Variants in CREB5 observed in about 807,000 individuals in gnomAD.
CREB5 encodes the protein cAMP responsive element binding protein 5.
In CREB5, 19 loss-of-function variants were observed where a neutral mutation model predicts 57.1. The ratio of observed to expected loss-of-function variants is 0.33; its 90% CI spans 0.23 to 0.49. The LOEUF (loss-of-function observed/expected upper bound fraction) is 0.49, where lower values mean the gene tolerates loss of function less well. Among genes scored for constraint, CREB5 ranks in the 20% least tolerant of loss-of-function variants. The probability of loss-of-function intolerance (pLI) is 0.99; values close to 1 mark genes in which losing one functional copy is unlikely to be tolerated. For missense variants in CREB5, 579 were observed against 671.6 expected (o/e 0.86, Z 1.52); for synonymous variants, 238 against 238.3 (o/e 1.00, Z 0.01).
At chr7:28,683,819 T>C (rs955002864) in intron 5 of CREB5, among the ~76,000 whole-genome samples, 3 of 152,150 alleles carry the variant, frequency 2.0e-5, no homozygotes, top group Non-Finnish European at 2.9e-5. Flanking sequence ...AGCAGAAGCC[T>C]GGTATCTAGT....
intron 1 of CREB5, among the ~76,000 whole-genome samples, chr7:28,392,394 T>C (rs1787236418): frequency 6.6e-6 from 1 of 152,242 alleles, no homozygotes; most frequent in Non-Finnish European, 1.5e-5. Flanking sequence ...GTTGCCTCTT[T>C]GATTCTCTTC....
chr7:28,350,042 G>C (rs1031562049), intron 1 of CREB5, among the ~76,000 whole-genome samples: 1 of 152,172 alleles, frequency 6.6e-6, no homozygotes, highest in Non-Finnish European at 1.5e-5. Context: ...AAACAGGAAG[G>C]TTAGCACCTT....
At chr7:28,768,622 G>A (rs1806135961) in intron 7 of CREB5, among the ~76,000 whole-genome samples, 1 of 152,208 alleles carries the variant, frequency 6.6e-6, no homozygotes, top group African/African-American at 2.4e-5. Context: ...GGTACTGTGT[G>A]TGTGTGTTTG....
intron 1 of CREB5, among the ~76,000 whole-genome samples, chr7:28,421,769 CTA>C (rs151244858): frequency 1.0e-5 from 1 of 98,374 alleles, no homozygotes; most frequent in Non-Finnish European, 2.5e-5. Flanking sequence ...TACACACACA[CTA>C]TATATATATA....
chr7:28,359,027 A>G lies in CREB5; in HGVS notation c.-25+59586A>G, dbSNP rs530948134. 3.3e-5 allele frequency among the ~76,000 whole-genome samples: 5 copies of G among 152,264 alleles called. No individual in the cohort carries two copies. The East Asian group carries it at 9.6e-4, about 29-fold the overall frequency. ...TTACTTCTTTCAAAATATAGGAGCT[A>G]ATCATTCAGGAGAATTTGTTTCTCT... On this transcript the variant is annotated intron_variant, in intron 1 of 9. Coordinates refer to the CREB5 transcript ENST00000396299.
chr7:28,386,836 T>C (rs1787113519), intron 1 of CREB5, among the ~76,000 whole-genome samples: 1 of 152,216 alleles, frequency 6.6e-6, no homozygotes. Flanking sequence ...AAAATATCTC[T>C]CTGTTCCTGC....
intron 4 of CREB5, among the ~76,000 whole-genome samples, chr7:28,561,021 T>TGTGCGC (rs1795247219): frequency 2.3e-5 from 1 of 43,240 alleles, no homozygotes; most frequent in African/African-American, 1.6e-4. Context: ...TGTGTGCGTG[T>TGTGCGC]GTGCGTGTGT....
At chr7:28,603,556 C>G (rs310339) in intron 5 of CREB5, among the ~76,000 whole-genome samples, 122,152 of 152,152 alleles carry the variant, frequency 0.8, 49,168 homozygotes, top group East Asian at 0.89. Flanking sequence ...AGGCTGTGCA[C>G]AACTTGGACA....
At chr7:28,624,113 A>G (rs2128687884) in intron 5 of CREB5, among the ~76,000 whole-genome samples, 1 of 152,350 alleles carries the variant, frequency 6.6e-6, no homozygotes, top group East Asian at 1.9e-4. Flanking sequence ...GCCGTTACAA[A>G]TAGATAAAGC....
chr7:28,533,393 C>A (rs963737806), intron 4 of CREB5, among the ~76,000 whole-genome samples: 32 of 152,136 alleles, frequency 2.1e-4, no homozygotes, highest in Non-Finnish European at 1.2e-4. Flanking sequence ...TAACTTGTTC[C>A]GGGCCATAAG....
At chr7:28,512,752 C>T (rs945701170) in intron 4 of CREB5, among the ~76,000 whole-genome samples, 4 of 152,040 alleles carry the variant, frequency 2.6e-5, no homozygotes, top group Admixed American at 1.3e-4. Flanking sequence ...CATAACATTA[C>T]AGCCTAAAGT....
At chr7:28,490,130 A>G (rs1231522959) in intron 2 of CREB5, among the ~76,000 whole-genome samples, 1 of 152,216 alleles carries the variant, frequency 6.6e-6, no homozygotes, top group East Asian at 1.9e-4. Flanking sequence ...ACTTTTTGGG[A>G]GCCTACTATG....
At chr7:28,614,212 G>C (rs929686390) in intron 5 of CREB5, among the ~76,000 whole-genome samples, 4 of 152,114 alleles carry the variant, frequency 2.6e-5, no homozygotes, top group Non-Finnish European at 5.9e-5. Flanking sequence ...GTCCTTCTCG[G>C]CCCCCTGAAG....
At chr7:28,369,310 C>T (rs1786658020) in intron 1 of CREB5, among the ~76,000 whole-genome samples, 1 of 152,104 alleles carries the variant, frequency 6.6e-6, no homozygotes, top group African/African-American at 2.4e-5. Context: ...GTAATGCAGG[C>T]TTGGGTAACC....
intron 1 of CREB5, among the ~76,000 whole-genome samples, chr7:28,465,025 C>G (rs1026535509): frequency 3.9e-5 from 6 of 152,140 alleles, no homozygotes; most frequent in Non-Finnish European, 7.3e-5. Flanking sequence ...AGTAGGGGTA[C>G]TCCCATTCTC....
At chr7:28,607,635 T>C (rs972128212) in intron 5 of CREB5, among the ~76,000 whole-genome samples, 4 of 152,030 alleles carry the variant, frequency 2.6e-5, no homozygotes, top group African/African-American at 9.7e-5. Context: ...GGAAGTGTAG[T>C]GCATTGGAAG....
intron 7 of CREB5, among the ~76,000 whole-genome samples, chr7:28,788,523 C>T (rs1371186657): frequency 6.6e-6 from 1 of 152,222 alleles, no homozygotes; most frequent in Non-Finnish European, 1.5e-5. Flanking sequence ...CAGTGCATCG[C>T]AGGCAATGGA....
chr7:28,627,740 C>T (rs893091694), intron 5 of CREB5, among the ~76,000 whole-genome samples: 1 of 152,124 alleles, frequency 6.6e-6, no homozygotes, highest in African/African-American at 2.4e-5. Context: ...CCCTGGACCT[C>T]CTCTGGCCAT....
At chr7:28,634,603 G>A (rs1798337608) in intron 5 of CREB5, among the ~76,000 whole-genome samples, 1 of 152,072 alleles carries the variant, frequency 6.6e-6, no homozygotes, top group South Asian at 2.1e-4. Flanking sequence ...TATTGCTTGG[G>A]TTGTCAAAAT....
Sources: gnomAD v4.1 joint callset for allele counts (sites outside exome capture counted in the v4.1 genomes callset) on GRCh38, gnomAD v4.1.1 for gene constraint, MANE v1.5 for transcripts, NCBI Gene and HGNC (gene_info 2026-07-23, HGNC 2026-07-21) for gene names.